Variants in OR52E4 observed in about 807,000 individuals in gnomAD.
The protein encoded by OR52E4 is olfactory receptor family 52 subfamily E member 4, also known as olfactory receptor 52E4.
For synonymous variants in OR52E4, 169 were observed against 137.4 expected (o/e 1.23, Z -1.61); for missense variants, 444 against 383.8 (o/e 1.16, Z -1.31).
In OR52E4 at chr11:5,884,939, C is replaced by T; in HGVS notation, c.647C>T (p.Ala216Val). The T allele has an allele frequency of 6.2e-7, 1 of 1,612,794 alleles. No homozygotes were observed. The highest frequency in any genetic ancestry group is 8.5e-7 in the Non-Finnish European group (1 of 1,179,040). ...ATTATTGTGGATGTGATCTTAATTGCCTCTTCCTATGTGCTTATCCTTAGA... is the reference window on the plus strand; with the variant it reads ...ATTATTGTGGATGTGATCTTAATTGTCTCTTCCTATGTGCTTATCCTTAGA... ...SYIIVDVILI[A>V]SSYVLILRAV... Residue 216 changes from alanine (A) to valine (V), a missense_variant, in exon 2 of 2, where the codon GCC becomes GTC. By Grantham distance (64) the Ala-to-Val change is moderately conservative. Transcript: ENST00000641726.
Position 5,887,050 on chromosome 11 carries a change from T to C in OR52E4, c.*1819T>C, listed in dbSNP as rs2134279662. 1 of 152,248 alleles carries C rather than the reference T, an allele frequency of 6.6e-6. No homozygotes were observed. Among genetic ancestry groups the C allele is most frequent in the South Asian group, 2.1e-4 (1 of 4,830 alleles). 9.4% of individuals were successfully genotyped at this position (152,248 alleles called of 1,614,324 possible). ...TTAAATGTGGAAATACATTGAAACTTGATCTATTCCCTTTGTCTTACAAAT... is the reference window on the plus strand; with the variant it reads ...TTAAATGTGGAAATACATTGAAACTCGATCTATTCCCTTTGTCTTACAAAT... On this transcript the variant is annotated 3_prime_UTR_variant, in exon 2 of 2. Transcript: ENST00000641726.
At chr11:5,880,873 T>TGGAACAGACATCCAAA (rs71056718) in intron 1 of OR52E4, among the ~76,000 whole-genome samples, 159 bp downstream of exon 1, 1 of 151,858 alleles carries the variant, frequency 6.6e-6, no homozygotes, top group Non-Finnish European at 1.5e-5. Flanking sequence ...CACATGGGAT[T>TGGAACAGACATCCAAA]GGTGAGGGCA....
chr11:5,882,721 T>C (rs199516366), intron 1 of OR52E4, among the ~76,000 whole-genome samples: 1 of 135,882 alleles, frequency 7.4e-6, no homozygotes, highest in African/African-American at 2.7e-5. Flanking sequence ...TCTCTCTCTC[T>C]CACTCTCTGT....
At position 5,886,351 on chromosome 11, in the gene OR52E4, C is replaced by A. The variant is rs564325644; in HGVS notation, c.*1120C>A. On this transcript the variant is annotated 3_prime_UTR_variant, in exon 2 of 2. Transcript: ENST00000641726. ...ATGAGAGACTACAGTGTGGGTATTA[C>A]GGAGACATGTTTTCTCACTTGAAGC... 1.3e-5 allele frequency: 2 copies of A among 151,970 alleles called. No homozygotes were observed. Among genetic ancestry groups the A allele is most frequent in the South Asian group, 2.1e-4 (1 of 4,800 alleles). The allele number at this position is 151,970 out of a possible 1,614,324, so 9.4% of individuals were successfully genotyped here. A position where few individuals can be genotyped will look rare whatever the true frequency, so the allele number is the denominator to read the frequency against.
rs147491452 is a variant in OR52E4, at chr11:5,885,591, C to T, written c.*360C>T. 2.1e-3 allele frequency: 358 copies of T among 170,874 alleles called. 1 individual carries two copies. Among genetic ancestry groups the T allele is most frequent in the African/African-American group, 8.2e-3 (347 of 42,098 alleles). 10.6% of individuals were successfully genotyped at this position (170,874 alleles called of 1,614,324 possible). ...TGAAGGATACTGATCAAATAAATCTCATTTTATAGATGAACAAAATAAGCT... is the reference window on the plus strand; with the variant it reads ...TGAAGGATACTGATCAAATAAATCTTATTTTATAGATGAACAAAATAAGCT... On this transcript the variant is annotated 3_prime_UTR_variant, in exon 2 of 2. Coordinates refer to ENST00000641726, the MANE Select transcript of OR52E4 (RefSeq NM_001005165.2).
rs1411422201 is a variant in OR52E4 at position 5,884,254 on chromosome 11, T to A, written c.-39T>A. 7.0e-7 allele frequency: 1 copy of A among 1,424,886 alleles called. No homozygotes were observed. The highest frequency in any genetic ancestry group is 1.3e-5 in the South Asian group (1 of 77,680). 88.3% of individuals were successfully genotyped at this position (1,424,886 alleles called of 1,614,324 possible). A position where few individuals can be genotyped will look rare whatever the true frequency, so the allele number is the denominator to read the frequency against. On this transcript the variant is annotated 5_prime_UTR_variant, in exon 2 of 2. Coordinates refer to ENST00000641726, the MANE Select transcript of OR52E4 (RefSeq NM_001005165.2). Reference sequence around the variant, plus strand: ...AGAGAGGACCTTAAAGAAAGTGAGATCCTTCATACTTAGGAATTCAGTGAC... The same window carrying A: ...AGAGAGGACCTTAAAGAAAGTGAGAACCTTCATACTTAGGAATTCAGTGAC...
At chr11:5,881,328 G>A (rs568171321) in intron 1 of OR52E4, among the ~76,000 whole-genome samples, 6 of 152,092 alleles carry the variant, frequency 3.9e-5, no homozygotes, top group African/African-American at 7.2e-5. Context: ...TAGATCAGCC[G>A]GACTGAACCG....
rs370374831 is a variant in OR52E4, at chr11:5,885,256, A to G, written c.*25A>G. 1.0e-3 allele frequency: 1,464 copies of G among 1,452,528 alleles called. 4 individuals are homozygous for G. Among genetic ancestry groups the G allele is most frequent in the Non-Finnish European group, 8.6e-4 (922 of 1,066,262 alleles). The allele number at this position is 1,452,528 out of a possible 1,614,324, so 90.0% of individuals were successfully genotyped here. Reference sequence around the variant, plus strand: ...ATTCTGTATTAAAGTTTGGATAAATATATCTATATACAACCCAAATTATCA... The same window carrying G: ...ATTCTGTATTAAAGTTTGGATAAATGTATCTATATACAACCCAAATTATCA... On this transcript the variant is annotated 3_prime_UTR_variant, in exon 2 of 2. Coordinates refer to ENST00000641726, the MANE Select transcript of OR52E4 (RefSeq NM_001005165.2).
In OR52E4 at chr11:5,883,185, G is replaced by A. The variant is rs116110028; in HGVS notation, c.-74-1034G>A. 2.2e-3 allele frequency among the ~76,000 whole-genome samples: 329 copies of A among 152,168 alleles called. 2 individuals are homozygous for A. The highest frequency in any genetic ancestry group is 7.6e-3 in the African/African-American group (315 of 41,546). On this transcript the variant is annotated intron_variant, in intron 1 of 1. Coordinates refer to ENST00000641726, the MANE Select transcript of OR52E4 (RefSeq NM_001005165.2). ...TAAGGAAGATAAACATAATTTGGCA[G>A]ATACACACAAGGCATTTTATTGGAA... is the stretch of plus-strand genomic sequence containing the variant.
intron 1 of OR52E4, among the ~76,000 whole-genome samples, chr11:5,882,717 T>A (rs1232043910): frequency 9.1e-4 from 85 of 93,302 alleles, no homozygotes; most frequent in Admixed American, 2.8e-3. Context: ...TCTCTCTCTC[T>A]CTCTCACTCT....
Position 5,885,205 on chromosome 11 carries a change from G to T in OR52E4, c.913G>T (p.Val305Leu). The T allele has an allele frequency of 6.3e-7, 1 of 1,596,350 alleles. No homozygotes were observed. The highest frequency in any genetic ancestry group is 8.5e-7 in the Non-Finnish European group (1 of 1,171,580). Residue 305 changes from valine (V) to leucine (L), a missense_variant, in exon 2 of 2, where the codon GTG becomes TTG. Physicochemically the swap from Val to Leu is conservative, Grantham distance 32. Transcript: ENST00000641726. ...GACCAAGCAGATCCGAGAGCAAATT[G>T]TGAAAATATTTGTACAGAAAGAATA... ...VRTKQIREQI[V>L]KIFVQKE is the part of the protein sequence containing the mutation.
In OR52E4 at chr11:5,884,653, G is replaced by A; in HGVS notation, c.361G>A (p.Ala121Thr). 6.2e-7 allele frequency: 1 copy of A among 1,613,396 alleles called. No individual in the cohort carries two copies. Among genetic ancestry groups the A allele is most frequent in the East Asian group, 2.2e-5 (1 of 44,844 alleles). Reference sequence around the variant, plus strand: ...GGAGACTGTTCTGTTGGTGGTCATGGCTTATGACCGCTTTGTTGCCATCTG... The same window carrying A: ...GGAGACTGTTCTGTTGGTGGTCATGACTTATGACCGCTTTGTTGCCATCTG... ...GMETVLLVVM[A>T]YDRFVAICNP... Residue 121 changes from alanine to threonine, a missense_variant, in exon 2 of 2, where the codon GCT becomes ACT. Coordinates refer to ENST00000641726, the MANE Select transcript of OR52E4 (RefSeq NM_001005165.2).
intron 1 of OR52E4, among the ~76,000 whole-genome samples, chr11:5,883,385 G>C (rs1846990551): frequency 6.6e-6 from 1 of 152,012 alleles, no homozygotes; most frequent in Non-Finnish European, 1.5e-5. Flanking sequence ...TGATGTCACT[G>C]TATAAGATCC....
In OR52E4 at chr11:5,884,920, G is replaced by T; in HGVS notation, c.628G>T (p.Val210Leu). 1 of 1,612,986 alleles carries T rather than the reference G, an allele frequency of 6.2e-7. No individual in the cohort carries two copies. Among genetic ancestry groups the T allele is most frequent in the East Asian group, 2.2e-5 (1 of 44,834 alleles). Residue 210 changes from valine to leucine, a missense_variant, in exon 2 of 2, where the codon GTG becomes TTG. Coordinates refer to ENST00000641726, the MANE Select transcript of OR52E4 (RefSeq NM_001005165.2). Reference sequence around the variant, plus strand: ...GCTCATGGTGATTTCTTATATTATTGTGGATGTGATCTTAATTGCCTCTTC... The same window carrying T: ...GCTCATGGTGATTTCTTATATTATTTTGGATGTGATCTTAATTGCCTCTTC... ...YGLMVISYII[V>L]DVILIASSYV...
rs1167009319 is a variant in OR52E4 at position 5,886,687 on chromosome 11, T to C, written c.*1456T>C. On this transcript the variant is annotated 3_prime_UTR_variant, in exon 2 of 2. Transcript: ENST00000641726. ...AGACATTGAACTGAAATTTGTGACT[T>C]ATCAGGGTACTCATGCTTCAAAATC... 6.6e-6 allele frequency: 1 copy of C among 152,070 alleles called. No individual in the cohort carries two copies. The highest frequency in any genetic ancestry group is 1.5e-5 in the Non-Finnish European group (1 of 67,980). 9.4% of individuals were successfully genotyped at this position (152,070 alleles called of 1,614,324 possible). A position where few individuals can be genotyped will look rare whatever the true frequency, so the allele number is the denominator to read the frequency against.
chr11:5,884,728 C>G lies in OR52E4; in HGVS notation c.436C>G (p.Leu146Val). ...MILTNKTISI[L>V]ASVVVGRNLV... ...CCTCACCAATAAAACCATCAGTATCCTAGCTTCTGTGGTTGTTGGAAGAAA... is the reference window on the plus strand; with the variant it reads ...CCTCACCAATAAAACCATCAGTATCGTAGCTTCTGTGGTTGTTGGAAGAAA... Residue 146 changes from leucine (L) to valine (V), a missense_variant, in exon 2 of 2, where the codon CTA becomes GTA. Physicochemically the swap from Leu to Val is conservative, Grantham distance 32 (BLOSUM62 1). Coordinates refer to ENST00000641726, the MANE Select transcript of OR52E4 (RefSeq NM_001005165.2). 6.2e-7 allele frequency: 1 copy of G among 1,613,616 alleles called. No homozygotes were observed. The highest frequency in any genetic ancestry group is 8.5e-7 in the Non-Finnish European group (1 of 1,179,742).
chr11:5,881,147 T>C (rs1356242594), intron 1 of OR52E4, among the ~76,000 whole-genome samples: 1 of 152,170 alleles, frequency 6.6e-6, no homozygotes, highest in Non-Finnish European at 1.5e-5. Context: ...ATGTCAATAT[T>C]CAAATACAAT....
rs374564235 is a variant in OR52E4, at chr11:5,884,919, T to G, written c.627T>G (p.Ile209Met). ...GGCTCATGGTGATTTCTTATATTAT[T>G]GTGGATGTGATCTTAATTGCCTCTT... ...IYGLMVISYI[I>M]VDVILIASSY... Residue 209 changes from isoleucine to methionine, a missense_variant, in exon 2 of 2, where the codon ATT (isoleucine) becomes ATG (methionine). Ile to Met is a conservative substitution (Grantham distance 10). Coordinates refer to ENST00000641726, the MANE Select transcript of OR52E4 (RefSeq NM_001005165.2). 6.2e-7 allele frequency: 1 copy of G among 1,613,086 alleles called. No individual in the cohort carries two copies.
At position 5,884,248 on chromosome 11, in the gene OR52E4, G is replaced by T. The variant is rs1168663910; in HGVS notation, c.-45G>T. ...TTGACAAGAGAGGACCTTAAAGAAAGTGAGATCCTTCATACTTAGGAATTC... is the reference window on the plus strand; with the variant it reads ...TTGACAAGAGAGGACCTTAAAGAAATTGAGATCCTTCATACTTAGGAATTC... On this transcript the variant is annotated 5_prime_UTR_variant, in exon 2 of 2. Transcript: ENST00000641726. 2.2e-6 allele frequency: 3 copies of T among 1,392,134 alleles called. No homozygotes were observed. Among genetic ancestry groups the T allele is most frequent in the Non-Finnish European group, 3.0e-6 (3 of 1,001,784 alleles). 86.2% of individuals were successfully genotyped at this position (1,392,134 alleles called of 1,614,324 possible). A position where few individuals can be genotyped will look rare whatever the true frequency, so the allele number is the denominator to read the frequency against.
Sources: gnomAD v4.1 joint callset for allele counts (sites outside exome capture counted in the v4.1 genomes callset) on GRCh38, gnomAD v4.1.1 for gene constraint, MANE v1.5 for transcripts, NCBI Gene and HGNC (gene_info 2026-07-23, HGNC 2026-07-21) for gene names.